The following TTC12 variants were observed in gnomAD, a reference collection of about 807,000 sequenced individuals.
The protein encoded by TTC12 is tetratricopeptide repeat domain 12.
In TTC12, 70 loss-of-function variants were observed where a neutral mutation model predicts 90.1. That is an observed-to-expected ratio of 0.78 (90% confidence interval 0.64 to 0.95). The LOEUF is 0.95. Ranked by LOEUF, TTC12 falls within the 40% of genes least tolerant of loss-of-function variation. The pLI, the probability that TTC12 is intolerant of heterozygous loss-of-function variation, is 0.00. For synonymous variants in TTC12, 296 were observed against 311.5 expected (o/e 0.95, Z 0.53); for missense variants, 819 against 846.1 (o/e 0.97, Z 0.40).
chr11:113,348,022 C>A (rs1555148709), intron 13 of TTC12, among the ~76,000 whole-genome samples: 1 of 152,220 alleles, frequency 6.6e-6, no homozygotes, highest in Non-Finnish European at 1.5e-5. Context: ...TATGCTATCA[C>A]CCTTCCAAGT....
chr11:113,348,286 G>T (rs574268137), intron 13 of TTC12, among the ~76,000 whole-genome samples: 1 of 152,278 alleles, frequency 6.6e-6, no homozygotes, highest in South Asian at 2.1e-4. Context: ...CAATGTCCTG[G>T]AAGTGACCTG....
chr11:113,326,901 C>T (rs1246663475), intron 6 of TTC12, among the ~76,000 whole-genome samples: 1 of 152,074 alleles, frequency 6.6e-6, no homozygotes, highest in African/African-American at 2.4e-5. Flanking sequence ...ACGTTAAAAG[C>T]ACAATAAGTC....
chr11:113,339,303 G>A lies in TTC12; in HGVS notation c.655G>A (p.Asp219Asn), dbSNP rs1555145174. 6.2e-7 allele frequency: 1 copy of A among 1,606,920 alleles called. No homozygotes were observed. Among genetic ancestry groups the A allele is most frequent in the South Asian group, 1.1e-5 (1 of 90,744 alleles). Residue 219 changes from aspartate (D) to asparagine (N), a missense_variant, in exon 10 of 22, where the codon GAT (aspartate) becomes AAT (asparagine). Transcript: ENST00000529221. ...TQVKGYLNQV[D>N]LQEKADLQEK... ...TTTTCTAGGTTACCTGAATCAAGTA[G>A]ATCTTCAGGAAAAAGCAGACCTTCA...
intron 10 of TTC12, among the ~76,000 whole-genome samples, chr11:113,340,081 A>G (rs1948598172): frequency 6.6e-6 from 1 of 152,260 alleles, no homozygotes; most frequent in Non-Finnish European, 1.5e-5. Context: ...CAGAGCAAAC[A>G]TCAGCTCTCC....
intron 13 of TTC12, among the ~76,000 whole-genome samples, chr11:113,349,178 G>A (rs1555149199): frequency 1.3e-5 from 2 of 152,214 alleles, no homozygotes; most frequent in Non-Finnish European, 1.5e-5. Context: ...ACACTGAAGT[G>A]TCATCTATTG....
Position 113,366,354 on chromosome 11 carries a change from GT to G in TTC12, c.*56del. 1 of 1,607,938 alleles carries G rather than the reference GT, an allele frequency of 6.2e-7. No individual in the cohort carries two copies. The highest frequency in any genetic ancestry group is 8.5e-7 in the Non-Finnish European group (1 of 1,179,124). Reference sequence around the variant, plus strand: ...AACACACAGATGCACACCGTGTGTTGTTCCTATGCTAATAAAGACCTTTGAT... The same window carrying G: ...AACACACAGATGCACACCGTGTGTTGTCCTATGCTAATAAAGACCTTTGAT... On this transcript the variant is annotated 3_prime_UTR_variant, in exon 22 of 22. Transcript: ENST00000529221.
At chr11:113,338,655 T>C (rs1555144833) in intron 8 of TTC12, 119 bp from the exon 9 acceptor site, 8 of 702,426 alleles carry the variant, frequency 1.1e-5, no homozygotes, top group Admixed American at 2.5e-5. Flanking sequence ...TCTCCTGCAC[T>C]GGGAGCAGGA....
intron 10 of TTC12, among the ~76,000 whole-genome samples, chr11:113,340,134 A>T (rs143779121): frequency 6.6e-6 from 1 of 152,334 alleles, no homozygotes; most frequent in Non-Finnish European, 1.5e-5. Context: ...AGCTCTTGTA[A>T]ACATTGTTAC....
At chr11:113,314,772 C>G (rs1194038277) in intron 1 of TTC12, 154 bp downstream of exon 1, 1 of 143,550 alleles carries the variant, frequency 7.0e-6, no homozygotes, top group African/African-American at 2.6e-5. Flanking sequence ...CATGGAGGGC[C>G]CGGGACTTGC....
intron 1 of TTC12, 64 bp downstream of exon 1, chr11:113,314,682 C>T (rs1946805497): frequency 1.3e-5 from 2 of 152,858 alleles, no homozygotes; most frequent in Non-Finnish European, 1.5e-5. Context: ...CCTTCAGAGC[C>T]GAGCAGAGGA....
At chr11:113,367,683 G>A (rs762357092), downstream of TTC12, among the ~76,000 whole-genome samples, 7 of 151,624 alleles carry the variant, frequency 4.6e-5, no homozygotes, top group Admixed American at 3.3e-4. Context: ...TAAGAACTTC[G>A]TTTCTGAAAC....
chr11:113,323,265 G>A (rs1947461575), intron 2 of TTC12, 23 bp from the exon 3 acceptor site: 1 of 1,564,122 alleles, frequency 6.4e-7, no homozygotes, highest in Admixed American at 1.9e-5. Context: ...GTTTGATTAA[G>A]TCACACCTGA....
At position 113,352,001 on chromosome 11, in the gene TTC12, G is replaced by T. The variant is rs1001054990; in HGVS notation, c.1309-69G>T. 1.0e-5 allele frequency: 16 copies of T among 1,549,690 alleles called. No homozygotes were observed. The Admixed American group carries it at 2.2e-4, about 21-fold the overall frequency. On this transcript the variant is annotated intron_variant, in intron 15 of 21. Transcript: ENST00000529221. Reference sequence around the variant, plus strand: ...GTGGGCCTTTTGGTGAGTGAGGGATGCACCTAGAGATCATGCGGCATCCTT... The same window carrying T: ...GTGGGCCTTTTGGTGAGTGAGGGATTCACCTAGAGATCATGCGGCATCCTT...
chr11:113,315,338 G>A (rs1946867728), intron 1 of TTC12: 1 of 152,114 alleles, frequency 6.6e-6, no homozygotes, highest in Non-Finnish European at 1.5e-5. Context: ...TGTGAATTTA[G>A]CCAGAATCAC....
downstream of TTC12, chr11:113,371,304 G>T (rs1950380111): frequency 6.6e-6 from 1 of 152,124 alleles, no homozygotes; most frequent in African/African-American, 2.4e-5. Context: ...TCTCTAGATT[G>T]CTTATAATAC....
chr11:113,329,100 A>AT (rs1379912344), intron 6 of TTC12, among the ~76,000 whole-genome samples: 1 of 152,194 alleles, frequency 6.6e-6, no homozygotes, highest in Non-Finnish European at 1.5e-5. Flanking sequence ...ATTCATGTGT[A>AT]AGCATTTGTA....
intron 18 of TTC12, among the ~76,000 whole-genome samples, chr11:113,361,293 G>A (rs141843205): frequency 5.7e-4 from 87 of 152,246 alleles, no homozygotes; most frequent in African/African-American, 2.0e-3. Flanking sequence ...AAGCCATTGG[G>A]GGGGAACAAA....
chr11:113,321,875 A>G (rs1947357514), intron 2 of TTC12, among the ~76,000 whole-genome samples: 1 of 152,220 alleles, frequency 6.6e-6, no homozygotes, highest in African/African-American at 2.4e-5. Flanking sequence ...CTGACAGTTG[A>G]CCATGGATAT....
At chr11:113,325,771 GTGTGGGAGGAGC>G in intron 6 of TTC12, 126 bp downstream of exon 6, 1 of 1,272,910 alleles carries the variant, frequency 7.9e-7, no homozygotes, top group Non-Finnish European at 1.1e-6. Flanking sequence ...CTTGTTTTAA[GTGTGGGAGGAGC>G]TGACTTATAC....
Sources: gnomAD v4.1 joint callset for allele counts (sites outside exome capture counted in the v4.1 genomes callset) on GRCh38, gnomAD v4.1.1 for gene constraint, MANE v1.5 for transcripts, NCBI Gene and HGNC (gene_info 2026-07-23, HGNC 2026-07-21) for gene names.